SLC24A3: variants seen among roughly 807,000 people sequenced by gnomAD.
The protein encoded by SLC24A3 is solute carrier family 24 member 3, also known as sodium/potassium/calcium exchanger 3.
In SLC24A3, 28 loss-of-function variants were observed where a neutral mutation model predicts 75.8. The observed-to-expected ratio is 0.37, with a 90% CI of 0.27 to 0.51. The LOEUF is 0.51. Ranked by LOEUF, SLC24A3 falls within the 20% of genes least tolerant of loss-of-function variation. The pLI, the probability that SLC24A3 is intolerant of heterozygous loss-of-function variation, is 0.94. For missense variants in SLC24A3, 663 were observed against 847.8 expected (o/e 0.78, Z 2.71); for synonymous variants, 372 against 334.1 (o/e 1.11, Z -1.24).
chr20:19,348,432 G>A (rs1345687676), intron 2 of SLC24A3, among the ~76,000 whole-genome samples: 2 of 152,146 alleles, frequency 1.3e-5, no homozygotes, highest in Non-Finnish European at 2.9e-5. Flanking sequence ...GACAGTCCAC[G>A]TATAGGGCAT....
At chr20:19,645,648 C>T (rs2032128114) in intron 6 of SLC24A3, among the ~76,000 whole-genome samples, 1 of 152,144 alleles carries the variant, frequency 6.6e-6, no homozygotes, top group Admixed American at 6.6e-5. Flanking sequence ...AACCAAAAGT[C>T]TTGATGTTGT....
At chr20:19,662,849 G>A (rs745733109) in intron 7 of SLC24A3, among the ~76,000 whole-genome samples, 8 of 152,156 alleles carry the variant, frequency 5.3e-5, no homozygotes, top group East Asian at 3.8e-4. Flanking sequence ...CATCCTTGCC[G>A]TTTGTAGAGT....
At chr20:19,507,233 C>A (rs6106091) in intron 2 of SLC24A3, among the ~76,000 whole-genome samples, 2,766 of 152,280 alleles carry the variant, frequency 0.018, 73 homozygotes, top group African/African-American at 0.063. Context: ...AGAGAAGAAT[C>A]AATATCCTAC....
At chr20:19,324,130 A>G (rs915973012) in intron 2 of SLC24A3, among the ~76,000 whole-genome samples, 1 of 152,172 alleles carries the variant, frequency 6.6e-6, no homozygotes. Context: ...AACACTTCCA[A>G]ATGAAAAATG....
chr20:19,429,809 T>C (rs1290914825), intron 2 of SLC24A3, among the ~76,000 whole-genome samples: 11 of 152,202 alleles, frequency 7.2e-5, no homozygotes, highest in Non-Finnish European at 1.6e-4. Flanking sequence ...AAAGGCATCT[T>C]CAGTGTTGCT....
intron 6 of SLC24A3, among the ~76,000 whole-genome samples, chr20:19,631,714 T>C (rs1360479172): frequency 6.6e-6 from 1 of 152,136 alleles, no homozygotes; most frequent in Non-Finnish European, 1.5e-5. Flanking sequence ...CTTATCACTT[T>C]CTCTCCCTAG....
chr20:19,591,792 C>T (rs1043054339), intron 6 of SLC24A3, among the ~76,000 whole-genome samples: 9 of 152,214 alleles, frequency 5.9e-5, no homozygotes, highest in African/African-American at 1.9e-4. Flanking sequence ...ACCTCGAATA[C>T]ACAGTTTTCA....
chr20:19,350,622 A>G (rs1985545151), intron 2 of SLC24A3, among the ~76,000 whole-genome samples: 3 of 152,232 alleles, frequency 2.0e-5, no homozygotes, highest in Non-Finnish European at 4.4e-5. Flanking sequence ...CACCATGGTA[A>G]TTGATGGGTA....
chr20:19,562,035 C>G (rs536645202), intron 3 of SLC24A3, among the ~76,000 whole-genome samples: 11 of 152,284 alleles, frequency 7.2e-5, no homozygotes, highest in African/African-American at 2.6e-4. Context: ...TTTATAACCT[C>G]AAGGAAATTT....
At chr20:19,609,053 G>GA (rs1165188273) in intron 6 of SLC24A3, among the ~76,000 whole-genome samples, 1 of 152,068 alleles carries the variant, frequency 6.6e-6, no homozygotes, top group East Asian at 1.9e-4. Context: ...AATTGAGGAA[G>GA]AAAAAAAGTC....
chr20:19,378,272 C>A (rs911496179), intron 2 of SLC24A3, among the ~76,000 whole-genome samples: 1 of 151,610 alleles, frequency 6.6e-6, no homozygotes, highest in Non-Finnish European at 1.5e-5. Context: ...AGAGCTTGGC[C>A]TACGTAGAGG....
chr20:19,572,456 A>G (rs1474305792), intron 3 of SLC24A3, among the ~76,000 whole-genome samples: 1 of 151,960 alleles, frequency 6.6e-6, no homozygotes, highest in Non-Finnish European at 1.5e-5. Flanking sequence ...GACAGCCTAG[A>G]GTTAGCCCAC....
chr20:19,677,975 T>C (rs2032547650), intron 9 of SLC24A3, among the ~76,000 whole-genome samples: 2 of 150,972 alleles, frequency 1.3e-5, no homozygotes, highest in African/African-American at 2.4e-5. Flanking sequence ...TTAATCCATT[T>C]AACCCTGAGT....
intron 3 of SLC24A3, among the ~76,000 whole-genome samples, chr20:19,549,452 T>A (rs1447162665): frequency 3.3e-5 from 5 of 152,214 alleles, no homozygotes; most frequent in Non-Finnish European, 7.3e-5. Flanking sequence ...TTATTCATAA[T>A]TTAATTGCTC....
intron 6 of SLC24A3, among the ~76,000 whole-genome samples, chr20:19,629,248 A>G (rs1404539266): frequency 6.6e-6 from 1 of 152,204 alleles, no homozygotes; most frequent in African/African-American, 2.4e-5. Context: ...AGGGCTAAAG[A>G]ACAATAACTG....
intron 6 of SLC24A3, among the ~76,000 whole-genome samples, chr20:19,649,038 A>G (rs2032169661): frequency 6.6e-6 from 1 of 152,200 alleles, no homozygotes; most frequent in Non-Finnish European, 1.5e-5. Flanking sequence ...GGGATCTCTA[A>G]TCTGGTCTCT....
rs575384371 is a variant in SLC24A3, at chr20:19,506,579, G to A, written c.272-8909G>A. Among the ~76,000 whole-genome samples the A allele has an allele frequency of 5.9e-5, 9 of 152,252 alleles. No individual in the cohort carries two copies. The East Asian group carries it at 1.7e-3, about 29-fold the overall frequency. ...GGTTACTTGCCCTCTTTGGGCCTCA[G>A]CTTACCCATCTGTAAATTGGGATAA... On this transcript the variant is annotated intron_variant, in intron 2 of 16. Transcript: ENST00000328041.
intron 10 of SLC24A3, among the ~76,000 whole-genome samples, chr20:19,682,429 C>T (rs1261119270): frequency 6.6e-6 from 1 of 152,198 alleles, no homozygotes. Flanking sequence ...TCCTCCAACC[C>T]TCCCTTTCAC....
intron 6 of SLC24A3, among the ~76,000 whole-genome samples, chr20:19,593,853 G>A (rs946375104): frequency 1.3e-5 from 2 of 152,196 alleles, no homozygotes; most frequent in African/African-American, 4.8e-5. Context: ...AAAGGGACTG[G>A]CAGCCCAGAA....
Sources: gnomAD v4.1 joint callset for allele counts (sites outside exome capture counted in the v4.1 genomes callset) on GRCh38, gnomAD v4.1.1 for gene constraint, MANE v1.5 for transcripts, NCBI Gene and HGNC (gene_info 2026-07-23, HGNC 2026-07-21) for gene names.